KIAA1217: variants seen among roughly 807,000 people sequenced by gnomAD.
KIAA1217 encodes the protein sickle tail protein homolog.
Under a neutral mutation model 163.9 loss-of-function variants are expected in KIAA1217, and 88 were observed. The observed-to-expected ratio is 0.54, with a 90% CI of 0.45 to 0.64. The LOEUF (loss-of-function observed/expected upper bound fraction) is 0.64. Among genes scored for constraint, KIAA1217 ranks in the 30% least tolerant of loss-of-function variants. The probability of loss-of-function intolerance (pLI) is 0.00; values close to 1 mark genes in which losing one functional copy is unlikely to be tolerated. For synonymous variants in KIAA1217, 903 were observed against 923.1 expected, an observed-to-expected ratio of 0.98 and a Z score of 0.39; for missense variants, 2,372 against 2,475.0, an observed-to-expected ratio of 0.96 and a Z score of 0.88.
At chr10:24,430,979 T>G (rs2059561141) in intron 3 of KIAA1217, among the ~76,000 whole-genome samples, 1 of 152,196 alleles carries the variant, frequency 6.6e-6, no homozygotes, top group Non-Finnish European at 1.5e-5. Flanking sequence ...TTCAACTCAC[T>G]ATGCATTTCT....
intron 3 of KIAA1217, among the ~76,000 whole-genome samples, chr10:24,414,137 C>T (rs1704141823): frequency 3.3e-5 from 5 of 152,096 alleles, no homozygotes; most frequent in Admixed American, 3.3e-4. Flanking sequence ...GTTCTCTATT[C>T]CTAAAGAATT....
At chr10:24,203,113 C>T (rs942507387) in intron 2 of KIAA1217, among the ~76,000 whole-genome samples, 1 of 151,206 alleles carries the variant, frequency 6.6e-6, no homozygotes, top group African/African-American at 2.4e-5. Context: ...TTGATTGAGC[C>T]CAAGAAGTTG....
chr10:24,362,995 T>G (rs553347187), intron 2 of KIAA1217, among the ~76,000 whole-genome samples: 1 of 152,232 alleles, frequency 6.6e-6, no homozygotes, highest in Non-Finnish European at 1.5e-5. Flanking sequence ...AGTGGAACTT[T>G]GGGTGAGTGC....
chr10:24,393,791 G>T (rs2055328235), intron 3 of KIAA1217, among the ~76,000 whole-genome samples: 5 of 152,172 alleles, frequency 3.3e-5, no homozygotes, highest in Admixed American at 3.3e-4. Context: ...AGGGAGAGAG[G>T]CTTCAGAAGG....
chr10:23,696,519 C>T (rs1447267458), intron 1 of KIAA1217, among the ~76,000 whole-genome samples: 1 of 152,180 alleles, frequency 6.6e-6, no homozygotes. Flanking sequence ...ATCCTGGTCA[C>T]CCAATTTCAC....
intron 1 of KIAA1217, among the ~76,000 whole-genome samples, chr10:23,872,793 T>A: frequency 6.6e-6 from 1 of 152,058 alleles, no homozygotes; most frequent in Non-Finnish European, 1.5e-5. Context: ...TTTCTATAAA[T>A]TTATATACAC....
At chr10:24,006,120 A>G (rs1340218624) in intron 1 of KIAA1217, among the ~76,000 whole-genome samples, 2 of 152,240 alleles carry the variant, frequency 1.3e-5, no homozygotes, top group Non-Finnish European at 2.9e-5. Flanking sequence ...ATTCATAACT[A>G]TTGAACTCAG....
intron 2 of KIAA1217, among the ~76,000 whole-genome samples, chr10:24,287,678 GT>G (rs1319665509): frequency 6.6e-6 from 1 of 152,106 alleles, no homozygotes; most frequent in Non-Finnish European, 1.5e-5. Flanking sequence ...TAGCCTGTTA[GT>G]AGAAGTGGCT....
chr10:23,943,768 A>T (rs1043989387), intron 1 of KIAA1217, among the ~76,000 whole-genome samples: 2 of 152,254 alleles, frequency 1.3e-5, no homozygotes, highest in Admixed American at 6.5e-5. Flanking sequence ...TGTGGTAAGG[A>T]TAGGCAGAGA....
At chr10:24,169,741 T>C (rs2065534499) in intron 2 of KIAA1217, among the ~76,000 whole-genome samples, 1 of 152,098 alleles carries the variant, frequency 6.6e-6, no homozygotes, top group African/African-American at 2.4e-5. Context: ...AAAGGGTGCT[T>C]CTCTTAGACA....
Position 24,117,471 on chromosome 10 carries a change from C to A in KIAA1217, c.-170-102155C>A, listed in dbSNP as rs72773174. 7.3e-3 allele frequency among the ~76,000 whole-genome samples: 1,111 copies of A among 152,082 alleles called. 8 individuals carry two copies. Among genetic ancestry groups the A allele is most frequent in the South Asian group, 0.011 (54 of 4,816 alleles). ...CCTTGGCAACATGGTGATGCCCCAT[C>A]TCTACAAAAATTAGCTGGGTGTGGT... On this transcript the variant is annotated intron_variant, in intron 2 of 18. Transcript: ENST00000376462.
At chr10:24,119,718 C>A (rs1413896109) in intron 2 of KIAA1217, among the ~76,000 whole-genome samples, 1 of 152,188 alleles carries the variant, frequency 6.6e-6, no homozygotes, top group Non-Finnish European at 1.5e-5. Context: ...TCTACCCTCT[C>A]GTCCTTATAT....
chr10:24,064,238 T>C (rs1045649404), intron 2 of KIAA1217, among the ~76,000 whole-genome samples: 7 of 152,196 alleles, frequency 4.6e-5, no homozygotes. Flanking sequence ...AAGGGAGTGC[T>C]TCTAGTTTTT....
intron 1 of KIAA1217, among the ~76,000 whole-genome samples, chr10:23,807,837 A>G (rs1836813504): frequency 6.6e-6 from 1 of 152,246 alleles, no homozygotes; most frequent in South Asian, 2.1e-4. Flanking sequence ...AGAGAAAGCA[A>G]TAAAAGATGT....
intron 1 of KIAA1217, among the ~76,000 whole-genome samples, chr10:23,750,499 G>A (rs7916901): frequency 0.033 from 5,085 of 152,052 alleles, 118 homozygotes; most frequent in Admixed American, 0.077. Flanking sequence ...TGTCCTCTAC[G>A]GTGGGCTTGG....
At chr10:23,971,327 A>G (rs1463082588) in intron 1 of KIAA1217, among the ~76,000 whole-genome samples, 1 of 152,164 alleles carries the variant, frequency 6.6e-6, no homozygotes, top group Non-Finnish European at 1.5e-5. Context: ...CTGAGATCTT[A>G]TTGGGAAGCT....
intron 2 of KIAA1217, among the ~76,000 whole-genome samples, chr10:24,110,270 T>G (rs1322875282): frequency 6.6e-6 from 1 of 152,200 alleles, no homozygotes; most frequent in Non-Finnish European, 1.5e-5. Context: ...TTCAGAGTTC[T>G]CTCTTATCCA....
Position 24,370,181 on chromosome 10 carries a change from T to C in KIAA1217, c.355-10688T>C, listed in dbSNP as rs182857473. Among the ~76,000 whole-genome samples the C allele has an allele frequency of 3.4e-5, 5 of 145,836 alleles. No homozygotes were observed. The East Asian group carries it at 6.3e-4, about 18-fold the overall frequency. ...TCGGGAGGCTGAGGCAGGAGAATGGTGTGAACCCGGGAGGCGGAGCCTGCA... is the reference window on the plus strand; with the variant it reads ...TCGGGAGGCTGAGGCAGGAGAATGGCGTGAACCCGGGAGGCGGAGCCTGCA... On this transcript the variant is annotated intron_variant, in intron 2 of 20. Coordinates refer to ENST00000376454, the MANE Select transcript of KIAA1217 (RefSeq NM_019590.5).
chr10:23,912,222 G>C (rs1397835062), intron 1 of KIAA1217, among the ~76,000 whole-genome samples: 1 of 152,134 alleles, frequency 6.6e-6, no homozygotes, highest in African/African-American at 2.4e-5. Flanking sequence ...GCCTTCTAGA[G>C]CTGTTGTCTA....
Sources: allele counts gnomAD v4.1 joint callset (sites outside exome capture counted in the v4.1 genomes callset), GRCh38; gene constraint gnomAD v4.1.1; transcripts MANE v1.5; gene names NCBI Gene and HGNC (gene_info 2026-07-23, HGNC 2026-07-21).